PRKG1: variants seen among roughly 807,000 people sequenced by gnomAD.
PRKG1 encodes cGMP-dependent protein kinase 1.
Under a neutral mutation model 88.1 loss-of-function variants are expected in PRKG1, and 35 were observed. That is an observed-to-expected ratio of 0.40 (90% confidence interval 0.30 to 0.53). The LOEUF (loss-of-function observed/expected upper bound fraction) is 0.53. Ranked by LOEUF, PRKG1 falls within the 20% of genes least tolerant of loss-of-function variation. The pLI is 0.59. For synonymous variants in PRKG1, 303 were observed against 292.5 expected (o/e 1.04, Z -0.37); for missense variants, 540 against 839.8 (o/e 0.64, Z 4.41).
intron 5 of PRKG1, among the ~76,000 whole-genome samples, chr10:52,048,596 T>G (rs1312646214): frequency 1.3e-5 from 2 of 152,254 alleles, no homozygotes; most frequent in East Asian, 3.9e-4. Context: ...GTGTAGAATT[T>G]TAAAATAGCT....
At chr10:52,073,025 C>G (rs1278201627) in intron 7 of PRKG1, among the ~76,000 whole-genome samples, 1 of 152,232 alleles carries the variant, frequency 6.6e-6, no homozygotes, top group Non-Finnish European at 1.5e-5. Flanking sequence ...GCCACACTCC[C>G]TTTGGAAGCT....
intron 2 of PRKG1, among the ~76,000 whole-genome samples, chr10:51,238,548 C>T (rs1163558552): frequency 6.6e-6 from 1 of 151,836 alleles, no homozygotes; most frequent in Non-Finnish European, 1.5e-5. Flanking sequence ...TGCCACTGCA[C>T]TCCAGCCTTG....
chr10:51,441,342 T>A lies in PRKG1; in HGVS notation c.479-26381T>A, dbSNP rs1473282115. Among the ~76,000 whole-genome samples the A allele has an allele frequency of 2.0e-5, 3 of 152,076 alleles. No homozygotes were observed. In the East Asian group the frequency reaches 5.8e-4, roughly 29 times the overall value. On this transcript the variant is annotated intron_variant, in intron 2 of 17. Transcript: ENST00000373980. ...GGAAGAAGAGAATGTCATTGTCAGC[T>A]AATCTAAAACTTTTTTCCATTTTGT...
rs746387596 is a variant in PRKG1 at position 51,074,651 on chromosome 10, C to A, written c.61C>A (p.Arg21=). 1.9e-6 allele frequency: 3 copies of A among 1,614,054 alleles called. No individual in the cohort carries two copies. The highest frequency in any genetic ancestry group is 3.3e-5 in the Admixed American group (2 of 60,018). Residue 21 remains arginine, a synonymous_variant, in exon 1 of 18, where the codon CGG becomes AGG. Transcript: ENST00000373980. The part of the protein sequence containing the change: ...LQEKIEELRQ[R]DALIDELELE... ...GGAGAAGATCGAGGAGCTGAGGCAG[C>A]GGGATGCTCTCATCGACGAGCTGGA...
chr10:51,209,826 A>G (rs1479096471), intron 2 of PRKG1, among the ~76,000 whole-genome samples: 5 of 152,184 alleles, frequency 3.3e-5, no homozygotes, highest in African/African-American at 1.2e-4. Context: ...CATTGTGCTC[A>G]TATTCTCTCT....
intron 7 of PRKG1, among the ~76,000 whole-genome samples, chr10:52,116,064 G>A (rs2132600363): frequency 6.6e-6 from 1 of 152,236 alleles, no homozygotes; most frequent in African/African-American, 2.4e-5. Context: ...ATTGGTTACG[G>A]CACTGCCTTT....
chr10:51,065,797 A>G (rs1843742725), intron 1 of PRKG1, among the ~76,000 whole-genome samples: 3 of 152,252 alleles, frequency 2.0e-5, no homozygotes, highest in South Asian at 4.1e-4. Context: ...CTTTGCTTTC[A>G]TAGTTTACAG....
intron 3 of PRKG1, among the ~76,000 whole-genome samples, chr10:51,635,950 G>C (rs189528129): frequency 1.2e-4 from 18 of 152,122 alleles, no homozygotes; most frequent in African/African-American, 2.2e-4. Flanking sequence ...TTCCTATAAG[G>C]CTACTGAAAC....
chr10:51,978,943 T>C (rs1843921350), intron 5 of PRKG1, among the ~76,000 whole-genome samples: 1 of 151,966 alleles, frequency 6.6e-6, no homozygotes, highest in South Asian at 2.1e-4. Context: ...TATTTGGATG[T>C]GCTTTATTTC....
chr10:52,062,346 G>A (rs1473436665), intron 6 of PRKG1, among the ~76,000 whole-genome samples, 191 bp from the exon 7 acceptor site: 1 of 152,084 alleles, frequency 6.6e-6, no homozygotes, highest in African/African-American at 2.4e-5. Context: ...CAAAATATTT[G>A]GAGGTAAGCT....
chr10:51,996,163 A>G (rs1324626864), intron 5 of PRKG1, among the ~76,000 whole-genome samples: 2 of 151,846 alleles, frequency 1.3e-5, no homozygotes, highest in African/African-American at 2.4e-5. Flanking sequence ...AATACAAAAA[A>G]TTAGCCGGGC....
At chr10:51,470,740 A>G (rs889091309) in intron 3 of PRKG1, among the ~76,000 whole-genome samples, 4 of 152,056 alleles carry the variant, frequency 2.6e-5, no homozygotes, top group African/African-American at 7.2e-5. Context: ...TAGGTTATCA[A>G]GAAGTAGTTT....
intron 3 of PRKG1, among the ~76,000 whole-genome samples, chr10:51,474,820 T>G (rs1840147513): frequency 6.6e-6 from 1 of 152,004 alleles, no homozygotes; most frequent in Non-Finnish European, 1.5e-5. Context: ...CTCTGACTAC[T>G]GAGGAAATGT....
intron 2 of PRKG1, among the ~76,000 whole-genome samples, chr10:51,396,222 T>C (rs1837572204): frequency 6.6e-6 from 1 of 151,772 alleles, no homozygotes; most frequent in African/African-American, 2.4e-5. Flanking sequence ...CGTATCTCTA[T>C]CAAAAAAGAA....
At chr10:51,076,623 A>T (rs1843959885) in intron 1 of PRKG1, among the ~76,000 whole-genome samples, 2 of 152,222 alleles carry the variant, frequency 1.3e-5, no homozygotes, top group Non-Finnish European at 2.9e-5. Flanking sequence ...TGATAACTCC[A>T]GTTACACATT....
At position 51,308,976 on chromosome 10, in the gene PRKG1, C is replaced by T. The variant is rs543149392; in HGVS notation, c.478+155646C>T. ...TGTAGAGAAAGCTGGAAAGTGGGAC[C>T]AACTGCTGCTGCCCATGTGAAGTTC... On this transcript the variant is annotated intron_variant, in intron 2 of 17. Coordinates refer to ENST00000373980, the MANE Select transcript of PRKG1 (RefSeq NM_006258.4). Among the ~76,000 whole-genome samples, 13 of 152,110 alleles carry T rather than the reference C, an allele frequency of 8.5e-5. No homozygotes were observed. The South Asian group carries it at 2.5e-3, about 29-fold the overall frequency.
intron 3 of PRKG1, among the ~76,000 whole-genome samples, chr10:51,634,723 A>G (rs904174531): frequency 2.0e-5 from 3 of 152,238 alleles, no homozygotes; most frequent in African/African-American, 4.8e-5. Context: ...CTATCAGAAT[A>G]CCTGGTAATT....
chr10:51,200,094 G>A (rs1324197854), intron 2 of PRKG1, among the ~76,000 whole-genome samples: 1 of 152,174 alleles, frequency 6.6e-6, no homozygotes, highest in Non-Finnish European at 1.5e-5. Flanking sequence ...TGGCATGTGG[G>A]CTAACACTTG....
upstream of PRKG1, among the ~76,000 whole-genome samples, chr10:51,072,063 C>T (rs191454115): frequency 4.2e-3 from 643 of 152,096 alleles, 3 homozygotes; most frequent in African/African-American, 0.013. Context: ...GGCGTGGTGG[C>T]GGGTGCCTGT....
Sources: allele counts gnomAD v4.1 joint callset (sites outside exome capture counted in the v4.1 genomes callset), GRCh38; gene constraint gnomAD v4.1.1; transcripts MANE v1.5; gene names NCBI Gene and HGNC (gene_info 2026-07-23, HGNC 2026-07-21).